GSN: variants seen among roughly 807,000 people sequenced by gnomAD.
The protein encoded by GSN is gelsolin.
In GSN, 56 loss-of-function variants were observed where a neutral mutation model predicts 85.7. That is an observed-to-expected ratio of 0.65 (90% CI 0.53 to 0.82). The LOEUF is 0.82. Among genes scored for constraint, GSN ranks in the 40% least tolerant of loss-of-function variants. The pLI is 0.00. For missense variants in GSN, 857 were observed against 979.8 expected (o/e 0.87, Z 1.67); for synonymous variants, 373 against 399.1 (o/e 0.93, Z 0.78).
At chr9:121,277,621 C>T (rs2132505261) in intron 1 of GSN, among the ~76,000 whole-genome samples, 1 of 150,128 alleles carries the variant, frequency 6.7e-6, no homozygotes, top group African/African-American at 2.4e-5. Flanking sequence ...ATTTTATCTG[C>T]AGCTATGAGT....
rs916380426 is a variant in GSN at position 121,318,060 on chromosome 9, C to G, written c.887-346C>G. Among the ~76,000 whole-genome samples, 1 of 152,232 alleles carries G rather than the reference C, an allele frequency of 6.6e-6. No individual in the cohort carries two copies. On this transcript the variant is annotated intron_variant, in intron 8 of 17. Coordinates refer to ENST00000432226, the MANE Select transcript of GSN (RefSeq NM_198252.3). This position sits in a 1 kb window ranked among gnomAD's most constrained non-coding sequence, Gnocchi z 4.3. ...ACCTAGGTCAAGTAATTTAATCTCTCTAAGACCCTAGCTTCCTTATAGATA... is the reference window on the plus strand; with the variant it reads ...ACCTAGGTCAAGTAATTTAATCTCTGTAAGACCCTAGCTTCCTTATAGATA...
intron 6 of GSN, among the ~76,000 whole-genome samples, chr9:121,259,176 A>G (rs1172161196): frequency 6.6e-6 from 1 of 152,236 alleles, no homozygotes. Context: ...CCCTGCCCTC[A>G]GGGAGCTCGA....
chr9:121,278,378 C>G (rs537230834), intron 1 of GSN, among the ~76,000 whole-genome samples: 1 of 152,146 alleles, frequency 6.6e-6, no homozygotes, highest in Non-Finnish European at 1.5e-5. Context: ...TCATGTTACT[C>G]CCATCAGGTC....
chr9:121,332,756 GC>G lies in GSN; in HGVS notation c.*156del. 1.6e-6 allele frequency: 1 copy of G among 620,298 alleles called. No homozygotes were observed. The highest frequency in any genetic ancestry group is 2.0e-5 in the South Asian group (1 of 48,800). 38.4% of individuals were successfully genotyped at this position (620,298 alleles called of 1,614,324 possible). A position where few individuals can be genotyped will look rare whatever the true frequency, so the allele number is the denominator to read the frequency against. On this transcript the variant is annotated 3_prime_UTR_variant, in exon 18 of 18. Coordinates refer to ENST00000432226, the MANE Select transcript of GSN (RefSeq NM_198252.3). This position sits in a 1 kb window ranked among gnomAD's most constrained non-coding sequence, Gnocchi z 4.8. ...TTTTTTTTTACAGTATCCAAAAATAGCCCTGCAAAAATTCAGAGTCCTTGCA... is the reference window on the plus strand; with the variant it reads ...TTTTTTTTTACAGTATCCAAAAATAGCCTGCAAAAATTCAGAGTCCTTGCA...
intron 2 of GSN, among the ~76,000 whole-genome samples, chr9:121,293,537 T>A (rs1461664157): frequency 1.3e-5 from 2 of 151,714 alleles, no homozygotes; most frequent in Non-Finnish European, 2.9e-5. Flanking sequence ...TCACTTGAGG[T>A]TAGGAGTTCG....
intron 7 of GSN, 137 bp downstream of exon 7, chr9:121,314,160 C>G: frequency 6.9e-6 from 5 of 728,072 alleles, no homozygotes; most frequent in Middle Eastern, 2.3e-4. Flanking sequence ...TCTCACGTCT[C>G]CAGTGGATGC....
chr9:121,282,466 T>C, intron 2 of GSN: 1 of 1,273,614 alleles, frequency 7.9e-7, no homozygotes, highest in Non-Finnish European at 1.0e-6. Flanking sequence ...ATACAGGACT[T>C]ACGCGTCTGC....
At chr9:121,291,798 C>T (rs2058719302) in intron 2 of GSN, among the ~76,000 whole-genome samples, 1 of 152,132 alleles carries the variant, frequency 6.6e-6, no homozygotes, top group Non-Finnish European at 1.5e-5. Context: ...GCCATTCTAT[C>T]CCTGTGGACA....
intron 6 of GSN, among the ~76,000 whole-genome samples, chr9:121,252,401 A>C (rs564780290): frequency 1.1e-4 from 16 of 152,320 alleles, no homozygotes; most frequent in Admixed American, 6.5e-4. Context: ...CAGGAAATGA[A>C]GCTGGAGGGG....
At chr9:121,212,801 G>A (rs1027604167) in intron 4 of GSN, among the ~76,000 whole-genome samples, 16 of 151,756 alleles carry the variant, frequency 1.1e-4, no homozygotes, top group African/African-American at 3.1e-4. Context: ...GCACCACCAC[G>A]CCTGGCTAAT....
chr9:121,329,199 G>A lies in GSN; in HGVS notation c.1888-39G>A. The A allele has an allele frequency of 6.6e-7, 1 of 1,524,654 alleles. No homozygotes were observed. The allele number at this position is 1,524,654 out of a possible 1,614,324, so 94.4% of individuals were successfully genotyped here. On this transcript the variant is annotated intron_variant, in intron 15 of 17. Coordinates refer to ENST00000432226, the MANE Select transcript of GSN (RefSeq NM_198252.3). This position sits in a 1 kb window ranked among gnomAD's most constrained non-coding sequence, Gnocchi z 4.6. The stretch of plus-strand genomic sequence containing the variant: ...AGATAAAGGAAGGCCACCCAGGGGA[G>A]GGAAGACATCTCACTGATGCTCTTT...
At chr9:121,310,636 TC>T (rs1184617026) in intron 4 of GSN, 47 bp from the exon 5 acceptor site, 1 of 1,591,562 alleles carries the variant, frequency 6.3e-7, no homozygotes, top group Admixed American at 1.7e-5. Context: ...CATATCTGCT[TC>T]CCTGGGCCTT....
chr9:121,236,355 G>A (rs2054492212), intron 5 of GSN, among the ~76,000 whole-genome samples: 1 of 152,034 alleles, frequency 6.6e-6, no homozygotes. Flanking sequence ...AAGTAGCTGG[G>A]ACTACTGATA....
At chr9:121,214,805 T>C (rs2054030219) in intron 4 of GSN, among the ~76,000 whole-genome samples, 1 of 152,212 alleles carries the variant, frequency 6.6e-6, no homozygotes, top group Non-Finnish European at 1.5e-5. Flanking sequence ...ATGCCTTAGA[T>C]GGATGAGCGA....
At chr9:121,330,862 G>T (rs773958305) in intron 16 of GSN, among the ~76,000 whole-genome samples, 7 of 152,212 alleles carry the variant, frequency 4.6e-5, no homozygotes, top group Non-Finnish European at 7.3e-5. Flanking sequence ...GTGAGAATAT[G>T]TTTGGCCACT....
At chr9:121,321,437 G>C in intron 11 of GSN, 36 bp downstream of exon 11, 1 of 1,606,136 alleles carries the variant, frequency 6.2e-7, no homozygotes, top group Non-Finnish European at 8.5e-7. Flanking sequence ...TGTCGTGGGG[G>C]TACTGGCTGG....
chr9:121,310,868 C>G (rs779754154), intron 5 of GSN, 23 bp downstream of exon 5: 18 of 1,612,428 alleles, frequency 1.1e-5, no homozygotes, highest in East Asian at 2.2e-5. Context: ...TTCCTCTTTC[C>G]CAGGAGCCAC....
chr9:121,215,141 AT>A (rs2054037014), intron 4 of GSN, among the ~76,000 whole-genome samples: 2 of 151,460 alleles, frequency 1.3e-5, no homozygotes, highest in Non-Finnish European at 2.9e-5. Context: ...TGTCATTGTC[AT>A]ATGGCTGTCT....
chr9:121,249,463 T>G (rs1195965143), intron 6 of GSN, among the ~76,000 whole-genome samples: 1 of 152,182 alleles, frequency 6.6e-6, no homozygotes, highest in Non-Finnish European at 1.5e-5. Context: ...GGCGACAGCC[T>G]GAGACCCTGT....
Sources: gnomAD v4.1 joint callset for allele counts (sites outside exome capture counted in the v4.1 genomes callset) on GRCh38, gnomAD v4.1.1 for gene constraint, Gnocchi (gnomAD v3.1) non-coding constraint, MANE v1.5 for transcripts, NCBI Gene and HGNC (gene_info 2026-07-23, HGNC 2026-07-21) for gene names.